Variants in PPARG observed in about 807,000 individuals in gnomAD.
PPARG encodes the protein peroxisome proliferator-activated receptor gamma.
A neutral mutation model predicts 39.2 loss-of-function variants in PPARG; 17 were observed. The ratio of observed to expected loss-of-function variants is 0.43; its 90% CI spans 0.30 to 0.65. The LOEUF (loss-of-function observed/expected upper bound fraction) is 0.65, where lower values mean the gene tolerates loss of function less well. Among genes scored for constraint, PPARG ranks in the 30% least tolerant of loss-of-function variants. The pLI is 0.13. For synonymous variants in PPARG, 223 were observed against 215.7 expected, an observed-to-expected ratio of 1.03 and a Z score of -0.30; for missense variants, 406 against 585.9, an observed-to-expected ratio of 0.69 and a Z score of 3.17.
chr3:12,355,986 A>G (rs1024391057), intron 2 of PPARG, among the ~76,000 whole-genome samples: 2 of 152,216 alleles, frequency 1.3e-5, no homozygotes, highest in Non-Finnish European at 2.9e-5. Flanking sequence ...CGTTAGGTAC[A>G]TATTCCTTGA....
At chr3:12,427,128 G>T (rs17036700) in intron 7 of PPARG, among the ~76,000 whole-genome samples, 6,283 of 150,338 alleles carry the variant, frequency 0.042, 424 homozygotes, top group African/African-American at 0.14. Flanking sequence ...GAGGACACAT[G>T]TATAACTTTG....
intron 2 of PPARG, among the ~76,000 whole-genome samples, chr3:12,378,407 A>G (rs1305172869): frequency 6.6e-6 from 1 of 152,184 alleles, no homozygotes; most frequent in Non-Finnish European, 1.5e-5. Flanking sequence ...AACACAGTAT[A>G]TATCTGTATA....
intron 2 of PPARG, among the ~76,000 whole-genome samples, chr3:12,354,503 T>C (rs1000715563): frequency 6.6e-6 from 1 of 151,870 alleles, no homozygotes; most frequent in African/African-American, 2.4e-5. Flanking sequence ...CCCACAACTT[T>C]GGGAGGCCGA....
At chr3:12,336,106 T>C (rs1197476330) in intron 2 of PPARG, among the ~76,000 whole-genome samples, 1 of 152,134 alleles carries the variant, frequency 6.6e-6, no homozygotes, top group Non-Finnish European at 1.5e-5. Context: ...GAGACATTAA[T>C]TAGGAAGGGT....
At chr3:12,427,074 A>C (rs916320580) in intron 7 of PPARG, among the ~76,000 whole-genome samples, 48 of 152,222 alleles carry the variant, frequency 3.2e-4, no homozygotes, top group African/African-American at 1.0e-3. Context: ...CAAAATTGAT[A>C]ATCCCTGCAC....
intron 2 of PPARG, among the ~76,000 whole-genome samples, chr3:12,322,923 TC>T (rs1428627761): frequency 6.6e-6 from 1 of 152,056 alleles, no homozygotes; most frequent in Non-Finnish European, 1.5e-5. Flanking sequence ...CACCTCAGCC[TC>T]CCAATTAGCT....
chr3:12,309,972 C>T (rs528615450), intron 1 of PPARG, among the ~76,000 whole-genome samples: 1 of 152,156 alleles, frequency 6.6e-6, no homozygotes, highest in Admixed American at 6.5e-5. Context: ...TGAATATAAA[C>T]TAATCTTGAG....
At chr3:12,305,717 C>T (rs1472660359) in intron 1 of PPARG, 2 of 152,204 alleles carry the variant, frequency 1.3e-5, no homozygotes, top group Non-Finnish European at 2.9e-5. Context: ...CATTCTACCT[C>T]CTAATCCCAA....
At chr3:12,369,650 G>A (rs920490706) in intron 2 of PPARG, among the ~76,000 whole-genome samples, 1 of 152,038 alleles carries the variant, frequency 6.6e-6, no homozygotes, top group Non-Finnish European at 1.5e-5. Context: ...TCACAATGTA[G>A]TTACTTGTAA....
At chr3:12,298,636 T>C (rs2124945531) in intron 1 of PPARG, among the ~76,000 whole-genome samples, 1 of 152,334 alleles carries the variant, frequency 6.6e-6, no homozygotes, top group South Asian at 2.1e-4. Flanking sequence ...AAATTTCATA[T>C]CAGTGTTATA....
intron 6 of PPARG, among the ~76,000 whole-genome samples, chr3:12,411,878 T>C (rs2050891936): frequency 1.3e-5 from 2 of 151,990 alleles, no homozygotes; most frequent in African/African-American, 2.4e-5. Flanking sequence ...GAAAGTCAGA[T>C]GTGTAAAAAG....
chr3:12,421,502 A>G (rs534636554), intron 7 of PPARG, among the ~76,000 whole-genome samples: 3 of 152,146 alleles, frequency 2.0e-5, no homozygotes, highest in Non-Finnish European at 4.4e-5. Flanking sequence ...GCCCCAGGAC[A>G]CTCTGGTGGA....
chr3:12,338,523 A>T (rs1333006736), intron 2 of PPARG, among the ~76,000 whole-genome samples: 2 of 152,250 alleles, frequency 1.3e-5, no homozygotes, highest in Non-Finnish European at 2.9e-5. Flanking sequence ...TGTGTAAAAC[A>T]AGTTGTAAAC....
chr3:12,401,616 GAAA>G (rs11337165), intron 5 of PPARG, among the ~76,000 whole-genome samples: 2 of 140,792 alleles, frequency 1.4e-5, no homozygotes, highest in Non-Finnish European at 1.6e-5. Context: ...CTGAAAGACA[GAAA>G]AAAAAAAAAA....
At chr3:12,398,788 C>T (rs186350435) in intron 5 of PPARG, among the ~76,000 whole-genome samples, 8 of 152,308 alleles carry the variant, frequency 5.3e-5, no homozygotes, top group Admixed American at 4.6e-4. Context: ...TAGAAGAGGC[C>T]ATTAGTTCTG....
At chr3:12,385,313 C>G (rs1480691590) in intron 4 of PPARG, among the ~76,000 whole-genome samples, 1 of 152,082 alleles carries the variant, frequency 6.6e-6, no homozygotes, top group Non-Finnish European at 1.5e-5. Context: ...GTAGATCTTC[C>G]TAAACAATTT....
chr3:12,415,359 C>G (rs746097153), intron 6 of PPARG, among the ~76,000 whole-genome samples: 2 of 152,212 alleles, frequency 1.3e-5, no homozygotes, highest in Non-Finnish European at 2.9e-5. Context: ...AGAACCAAAG[C>G]TGGAACACAC....
intron 4 of PPARG, among the ~76,000 whole-genome samples, chr3:12,391,938 A>G (rs1353606335): frequency 1.3e-5 from 2 of 152,164 alleles, no homozygotes; most frequent in East Asian, 3.9e-4. Flanking sequence ...TAAATATAGC[A>G]GAATATTCAG....
intron 7 of PPARG, among the ~76,000 whole-genome samples, chr3:12,430,236 C>T (rs992394515): frequency 1.3e-5 from 2 of 152,144 alleles, no homozygotes; most frequent in African/African-American, 4.8e-5. Flanking sequence ...GGCCTGTTCA[C>T]CAGCCAGGAG....
Sources: allele counts gnomAD v4.1 joint callset (sites outside exome capture counted in the v4.1 genomes callset), GRCh38; gene constraint gnomAD v4.1.1; transcripts MANE v1.5; gene names NCBI Gene and HGNC (gene_info 2026-07-23, HGNC 2026-07-21).